The following ATG10 variants were observed in gnomAD, a reference collection of about 807,000 sequenced individuals.
The protein encoded by ATG10 is autophagy related 10.
ATG10 carries 30 observed loss-of-function variants against 32.1 expected under a neutral mutation model. That is an observed-to-expected ratio of 0.94 (90% CI 0.70 to 1.27). The LOEUF is 1.27. ATG10 is among the 50% of genes most tolerant of loss of function. The pLI is 0.00. For missense variants in ATG10, 233 were observed against 262.3 expected (o/e 0.89, Z 0.77); for synonymous variants, 87 against 91.5 (o/e 0.95, Z 0.28).
intron 2 of ATG10, among the ~76,000 whole-genome samples, chr5:82,021,535 G>T (rs1218073581): frequency 6.6e-6 from 1 of 152,178 alleles, no homozygotes; most frequent in Non-Finnish European, 1.5e-5. Flanking sequence ...GTATTGTTTA[G>T]GGAATAATGA....
At chr5:82,243,503 T>A (rs1746886432) in intron 5 of ATG10, among the ~76,000 whole-genome samples, 1 of 152,020 alleles carries the variant, frequency 6.6e-6, no homozygotes, top group African/African-American at 2.4e-5. Context: ...ATAATATAAA[T>A]AGAAAGCTGA....
chr5:82,152,267 C>T (rs1394851114), intron 3 of ATG10, among the ~76,000 whole-genome samples: 1 of 152,212 alleles, frequency 6.6e-6, no homozygotes, highest in Non-Finnish European at 1.5e-5. Context: ...TTAGAGTCTA[C>T]TTTGAATTAA....
At chr5:82,247,228 C>T (rs1747074069) in intron 5 of ATG10, among the ~76,000 whole-genome samples, 1 of 152,130 alleles carries the variant, frequency 6.6e-6, no homozygotes, top group Non-Finnish European at 1.5e-5. Context: ...AGCTATTTTG[C>T]CTGCCCTTTT....
intron 5 of ATG10, among the ~76,000 whole-genome samples, chr5:82,240,026 C>A (rs1746723938): frequency 6.6e-6 from 1 of 152,048 alleles, no homozygotes; most frequent in South Asian, 2.1e-4. Flanking sequence ...ATAGCAAATG[C>A]TGGCAAGGAT....
intron 1 of ATG10, among the ~76,000 whole-genome samples, chr5:81,983,666 C>T (rs1157933043): frequency 4.6e-5 from 7 of 150,828 alleles, no homozygotes; most frequent in Admixed American, 2.6e-4. Context: ...CCCTCCCGGA[C>T]GGGGTGGCTG....
At chr5:82,153,301 T>G (rs1767675168) in intron 3 of ATG10, among the ~76,000 whole-genome samples, 1 of 152,148 alleles carries the variant, frequency 6.6e-6, no homozygotes, top group Non-Finnish European at 1.5e-5. Flanking sequence ...TGTATATGTG[T>G]GCTGTCCATG....
At chr5:82,003,000 T>A (rs929542474) in intron 2 of ATG10, among the ~76,000 whole-genome samples, 10 of 152,208 alleles carry the variant, frequency 6.6e-5, no homozygotes, top group African/African-American at 1.9e-4. Flanking sequence ...ATTTTGACTA[T>A]CCTTAATGGG....
At chr5:82,033,516 C>T (rs1174090254) in intron 2 of ATG10, among the ~76,000 whole-genome samples, 2 of 151,936 alleles carry the variant, frequency 1.3e-5, no homozygotes, top group African/African-American at 2.4e-5. Flanking sequence ...TTGCTCCCTT[C>T]TTGAAGCACC....
intron 2 of ATG10, among the ~76,000 whole-genome samples, chr5:82,025,742 A>AT (rs1166559126): frequency 2.6e-5 from 4 of 152,162 alleles, no homozygotes; most frequent in African/African-American, 9.7e-5. Flanking sequence ...TTCACTAATT[A>AT]TTTTGGACTA....
intron 2 of ATG10, among the ~76,000 whole-genome samples, chr5:82,037,144 A>G (rs1490361577): frequency 2.7e-5 from 4 of 149,414 alleles, no homozygotes; most frequent in African/African-American, 9.8e-5. Flanking sequence ...AAAAAAAAAA[A>G]AAAAAAAAAA....
At chr5:81,996,900 T>A (rs1761681459) in intron 2 of ATG10, among the ~76,000 whole-genome samples, 1 of 152,212 alleles carries the variant, frequency 6.6e-6, no homozygotes. Flanking sequence ...TGAAAGTACT[T>A]AGCAGAGTAC....
At chr5:82,247,035 G>A (rs1306313603) in intron 5 of ATG10, among the ~76,000 whole-genome samples, 1 of 152,056 alleles carries the variant, frequency 6.6e-6, no homozygotes. Flanking sequence ...TTTATGTGAT[G>A]AGTCCTAAAG....
chr5:82,073,392 G>A (rs1323849494), intron 3 of ATG10: 1 of 152,166 alleles, frequency 6.6e-6, no homozygotes, highest in Non-Finnish European at 1.5e-5. Flanking sequence ...ATCAGCAGAA[G>A]GGATTTGGAA....
intron 3 of ATG10, among the ~76,000 whole-genome samples, chr5:82,066,217 T>C (rs529948726): frequency 6.6e-6 from 1 of 152,284 alleles, no homozygotes; most frequent in South Asian, 2.1e-4. Flanking sequence ...AGAATAGAGA[T>C]AACCTAGATT....
intron 5 of ATG10, among the ~76,000 whole-genome samples, chr5:82,231,915 ATCATCTTGAAGAT>A (rs1370469655): frequency 6.6e-6 from 1 of 152,232 alleles, no homozygotes; most frequent in Non-Finnish European, 1.5e-5. Context: ...TATTTTAAAA[ATCATCTTGAAGAT>A]TCATCTCTTT....
chr5:82,005,850 A>C (rs188331430), intron 2 of ATG10, among the ~76,000 whole-genome samples: 1 of 152,260 alleles, frequency 6.6e-6, no homozygotes, highest in Non-Finnish European at 1.5e-5. Flanking sequence ...TATTTTATAC[A>C]ATTAATACTA....
intron 3 of ATG10, among the ~76,000 whole-genome samples, chr5:82,142,614 T>G (rs1308708109): frequency 6.6e-6 from 1 of 152,200 alleles, no homozygotes; most frequent in Non-Finnish European, 1.5e-5. Context: ...GATCGAATAT[T>G]GACCTGTGTA....
At chr5:82,107,399 G>A (rs1372512838) in intron 3 of ATG10, among the ~76,000 whole-genome samples, 1 of 152,066 alleles carries the variant, frequency 6.6e-6, no homozygotes, top group African/African-American at 2.4e-5. Context: ...AGGAGATAAA[G>A]GGAGCAGCTA....
chr5:82,110,046 G>A (rs1221896858), intron 3 of ATG10, among the ~76,000 whole-genome samples: 4 of 150,776 alleles, frequency 2.7e-5, no homozygotes, highest in Non-Finnish European at 5.9e-5. Context: ...GAGAACATGC[G>A]GTGTTTGGTT....
Sources: allele counts gnomAD v4.1 joint callset (sites outside exome capture counted in the v4.1 genomes callset), GRCh38; gene constraint gnomAD v4.1.1; transcripts MANE v1.5; gene names NCBI Gene and HGNC (gene_info 2026-07-23, HGNC 2026-07-21).